Variants in ARHGAP5 observed in about 807,000 individuals in gnomAD.
ARHGAP5 encodes the protein rho GTPase-activating protein 5.
In ARHGAP5, 23 loss-of-function variants were observed where a neutral mutation model predicts 116.6. That is an observed-to-expected ratio of 0.20 (90% CI 0.14 to 0.28). The LOEUF is 0.28. Ranked by LOEUF, ARHGAP5 falls within the 10% of genes least tolerant of loss-of-function variation. The pLI, the probability that ARHGAP5 is intolerant of heterozygous loss-of-function variation, is 1.00. For synonymous variants in ARHGAP5, 574 were observed against 602.0 expected (o/e 0.95, Z 0.68); for missense variants, 1,405 against 1,774.8 (o/e 0.79, Z 3.74).
In ARHGAP5 at chr14:32,094,485, T is replaced by G. The variant is rs1157201080; in HGVS notation, c.3717+99T>G. 9.3e-6 allele frequency: 8 copies of G among 858,830 alleles called. No homozygotes were observed. In the Admixed American group the frequency reaches 1.9e-4, roughly 21 times the overall value. 53.2% of individuals were successfully genotyped at this position (858,830 alleles called of 1,614,324 possible). A position where few individuals can be genotyped will look rare whatever the true frequency, so the allele number is the denominator to read the frequency against. ...TTAGAATTTAGTCTCATTCATTCCA[T>G]ACATAATAATTAGTAGCCCTTTTTA... On this transcript the variant is annotated intron_variant, in intron 2 of 6. Coordinates refer to ENST00000345122, the MANE Select transcript of ARHGAP5 (RefSeq NM_001030055.2).
Position 32,094,011 on chromosome 14 carries a change from T to C in ARHGAP5, c.3342T>C (p.Asp1114=). ...YSDEIYVVPD[D]SQNRIKIRNS... ...ATGAGATTTATGTTGTCCCAGATGA[T>C]AGTCAAAATCGTATTAAAATTCGAA... The change falls in exon 2 of 7, where the codon GAT becomes GAC. Residue 1114 remains aspartate, a synonymous_variant. Coordinates refer to ENST00000345122, the MANE Select transcript of ARHGAP5 (RefSeq NM_001030055.2). The C allele has an allele frequency of 1.9e-6, 3 of 1,613,242 alleles. No individual in the cohort carries two copies. Among genetic ancestry groups the C allele is most frequent in the Non-Finnish European group, 2.5e-6 (3 of 1,179,826 alleles).
Position 32,090,487 on chromosome 14 carries a change from C to A in ARHGAP5, c.-168-15C>A. 1.9e-6 allele frequency: 1 copy of A among 519,930 alleles called. No homozygotes were observed. Among genetic ancestry groups the A allele is most frequent in the South Asian group, 3.7e-5 (1 of 27,002 alleles). 32.2% of individuals were successfully genotyped at this position (519,930 alleles called of 1,614,324 possible). A position where few individuals can be genotyped will look rare whatever the true frequency, so the allele number is the denominator to read the frequency against. On this transcript the variant is annotated splice_polypyrimidine_tract_variant and intron_variant, in intron 1 of 6. Transcript: ENST00000345122. ...TTTGTGATTAAGATTTGTTCTTTTT[C>A]TCCCCTCTCTATAGGAAGATGATCC...
chr14:32,078,866 A>G (rs1014361888), intron 1 of ARHGAP5, among the ~76,000 whole-genome samples: 3 of 152,248 alleles, frequency 2.0e-5, no homozygotes, highest in South Asian at 2.1e-4. Flanking sequence ...CTGTAATACG[A>G]TAAAACGGTA....
chr14:32,138,712 A>G (rs986104242), intron 3 of ARHGAP5, among the ~76,000 whole-genome samples: 1 of 152,182 alleles, frequency 6.6e-6, no homozygotes, highest in African/African-American at 2.4e-5. Context: ...TTCCTTGCCT[A>G]AAACTCCAGT....
chr14:32,154,991 A>G lies in ARHGAP5; in HGVS notation c.*43A>G. The stretch of plus-strand genomic sequence containing the variant: ...ACAGGCTGGATTTGGACAAAAAGCA[A>G]ATCTAGACATGCATGTTTCAGGGTT... On this transcript the variant is annotated 3_prime_UTR_variant, in exon 7 of 7. Coordinates refer to ENST00000345122, the MANE Select transcript of ARHGAP5 (RefSeq NM_001030055.2). The G allele has an allele frequency of 1.3e-6, 2 of 1,537,846 alleles. No individual in the cohort carries two copies. The highest frequency in any genetic ancestry group is 1.8e-6 in the Non-Finnish European group (2 of 1,123,876).
At chr14:32,127,141 G>A (rs929729208) in intron 3 of ARHGAP5, among the ~76,000 whole-genome samples, 4 of 151,546 alleles carry the variant, frequency 2.6e-5, no homozygotes, top group African/African-American at 9.7e-5. Context: ...GGGACCACAG[G>A]TGCGTGCCAC....
chr14:32,149,172 G>T, intron 4 of ARHGAP5, among the ~76,000 whole-genome samples: 1 of 149,574 alleles, frequency 6.7e-6, no homozygotes, highest in African/African-American at 2.5e-5. Flanking sequence ...GTTACTTATG[G>T]CCTCTTTTTT....
chr14:32,127,428 C>T (rs1279410055), intron 3 of ARHGAP5, among the ~76,000 whole-genome samples: 3 of 152,070 alleles, frequency 2.0e-5, no homozygotes, highest in African/African-American at 4.8e-5. Flanking sequence ...CATCTTGCAC[C>T]GCCCTTAATC....
chr14:32,107,054 G>A (rs982511595), intron 2 of ARHGAP5, among the ~76,000 whole-genome samples: 3 of 152,144 alleles, frequency 2.0e-5, no homozygotes, highest in African/African-American at 7.2e-5. Flanking sequence ...TATTTTGTAT[G>A]TGCTATTAAT....
chr14:32,102,239 G>C (rs1878824735), intron 2 of ARHGAP5, among the ~76,000 whole-genome samples: 1 of 152,250 alleles, frequency 6.6e-6, no homozygotes, highest in African/African-American at 2.4e-5. Context: ...TACAGGAAGT[G>C]TGTTCAAAAG....
intron 1 of ARHGAP5, among the ~76,000 whole-genome samples, chr14:32,081,276 T>C (rs747198208): frequency 1.3e-5 from 2 of 152,140 alleles, no homozygotes; most frequent in Non-Finnish European, 2.9e-5. Flanking sequence ...TAGAAAGTTA[T>C]TTAGCTAAAG....
chr14:32,081,735 C>A (rs1012745366), intron 1 of ARHGAP5, among the ~76,000 whole-genome samples: 1 of 152,066 alleles, frequency 6.6e-6, no homozygotes, highest in Non-Finnish European at 1.5e-5. Flanking sequence ...CTTGGAAAAA[C>A]TCTCACCTTG....
chr14:32,140,303 C>T (rs777331476), intron 3 of ARHGAP5, among the ~76,000 whole-genome samples: 9 of 151,592 alleles, frequency 5.9e-5, no homozygotes, highest in Middle Eastern at 3.4e-3. Flanking sequence ...GTTGTTTGGC[C>T]GAGCACAGTG....
intron 2 of ARHGAP5, among the ~76,000 whole-genome samples, chr14:32,103,874 T>G (rs1878897318): frequency 6.6e-6 from 1 of 152,150 alleles, no homozygotes; most frequent in Non-Finnish European, 1.5e-5. Context: ...ATTTTTGATG[T>G]TTAGAATCCT....
At position 32,129,097 on chromosome 14, in the gene ARHGAP5, A is replaced by C. The variant is rs79569311; in HGVS notation, c.3865+11810A>C. ...CTCATTTTTGCTTTTCTAGTTTGCA[A>C]CTTCTAATCTGCTGTGAGTCAGGAA... On this transcript the variant is annotated intron_variant, in intron 3 of 6. Coordinates refer to ENST00000345122, the MANE Select transcript of ARHGAP5 (RefSeq NM_001030055.2). Among the ~76,000 whole-genome samples, 954 of 152,286 alleles carry C rather than the reference A, an allele frequency of 6.3e-3. 33 individuals are homozygous for C. The East Asian group carries it at 0.094, about 15-fold the overall frequency.
intron 1 of ARHGAP5, among the ~76,000 whole-genome samples, chr14:32,085,715 C>G (rs1341124831): frequency 6.6e-6 from 1 of 152,036 alleles, no homozygotes; most frequent in African/African-American, 2.4e-5. Context: ...TTACAAAGTT[C>G]CCTCTGTGTG....
chr14:32,109,706 A>G (rs1392671278), intron 2 of ARHGAP5, among the ~76,000 whole-genome samples: 7 of 152,110 alleles, frequency 4.6e-5, no homozygotes, highest in Non-Finnish European at 8.8e-5. Flanking sequence ...AGGCGTTTGA[A>G]ACTATTATAA....
chr14:32,094,296 T>C lies in ARHGAP5; in HGVS notation c.3627T>C (p.Gly1209=). 6.2e-7 allele frequency: 1 copy of C among 1,613,714 alleles called. No individual in the cohort carries two copies. The highest frequency in any genetic ancestry group is 8.5e-7 in the Non-Finnish European group (1 of 1,179,858). Reference sequence around the variant, plus strand: ...TTTCTCCTGTTGAAACTTGGAAAGGTGGTATTGATAATCCTGCAATCACTT... The same window carrying C: ...TTTCTCCTGTTGAAACTTGGAAAGGCGGTATTGATAATCCTGCAATCACTT... ...PLLSPVETWK[G]GIDNPAITSD... The change falls in exon 2 of 7, where the codon GGT becomes GGC. Residue 1209 remains glycine, a synonymous_variant. Transcript: ENST00000345122.
intron 3 of ARHGAP5, among the ~76,000 whole-genome samples, chr14:32,133,661 C>G (rs185241929): frequency 6.6e-6 from 1 of 152,000 alleles, no homozygotes; most frequent in African/African-American, 2.4e-5. Flanking sequence ...GTCTTGTGCC[C>G]GTTTTCAAAG....
Sources: allele counts gnomAD v4.1 joint callset (sites outside exome capture counted in the v4.1 genomes callset), GRCh38; gene constraint gnomAD v4.1.1; transcripts MANE v1.5; gene names NCBI Gene and HGNC (gene_info 2026-07-23, HGNC 2026-07-21).